COL16A1: variants seen among roughly 807,000 people sequenced by gnomAD.
COL16A1 encodes the protein collagen alpha-1(XVI) chain.
COL16A1 carries 189 observed loss-of-function variants against 266.3 expected under a neutral mutation model. That is an observed-to-expected ratio of 0.71 (90% confidence interval 0.63 to 0.80). COL16A1 has a LOEUF of 0.80. COL16A1 is among the 30% of genes least tolerant of loss of function. The probability of loss-of-function intolerance (pLI) is 0.00; values close to 1 mark genes in which losing one functional copy is unlikely to be tolerated. For synonymous variants in COL16A1, 740 were observed against 782.3 expected (o/e 0.95, Z 0.90); for missense variants, 1,928 against 2,122.4 (o/e 0.91, Z 1.80).
rs1643857183 is a variant in COL16A1, at chr1:31,684,117, C to T, written c.2275G>A (p.Gly759Ser). The T allele has an allele frequency of 6.3e-7, 1 of 1,581,450 alleles. No individual in the cohort carries two copies. Among genetic ancestry groups the T allele is most frequent in the Non-Finnish European group, 8.6e-7 (1 of 1,162,742 alleles). Residue 759 changes from glycine to serine, a missense_variant, in exon 32 of 71, where the codon GGT becomes AGT. Physicochemically the swap from Gly to Ser is moderately conservative, Grantham distance 56. This residue lies in a region of COL16A1 where 1,552 missense variants were observed against 1,637.2 expected (regional missense o/e 0.95). Coordinates refer to ENST00000373672, the MANE Select transcript of COL16A1 (RefSeq NM_001856.4). ...EQGPEGVGRP[G>S]KPGQPGLPGV... ...GAGGGCAGGCAACTCACGGGTTTACCAGGTCGGCCCACGCCTTCGGGGCCC... is the reference window on the plus strand; with the variant it reads ...GAGGGCAGGCAACTCACGGGTTTACTAGGTCGGCCCACGCCTTCGGGGCCC...
At position 31,674,863 on chromosome 1, in the gene COL16A1, C is replaced by T. The variant is rs746912909; in HGVS notation, c.2859+144G>A. On this transcript the variant is annotated intron_variant, in intron 44 of 70. Coordinates refer to ENST00000373672, the MANE Select transcript of COL16A1 (RefSeq NM_001856.4). ...GTTACAAGCCAGGCATCAGCTAGGC[C>T]CTCTTAGACAGATGCTTGGAATGCG... 3.0e-4 allele frequency: 399 copies of T among 1,324,924 alleles called. 5 individuals carry two copies. Among genetic ancestry groups the T allele is most frequent in the Middle Eastern group, 4.4e-4 (2 of 4,518 alleles). 82.1% of individuals were successfully genotyped at this position (1,324,924 alleles called of 1,614,324 possible).
In COL16A1 at chr1:31,664,412, C is replaced by G. The variant is rs1435604745; in HGVS notation, c.3555+760G>C. ...CGTGTGCTCTCAGGGGAAAGAGGCTCTCCACAAGGCTCAGGGGAAAGAGGC... is the reference window on the plus strand; with the variant it reads ...CGTGTGCTCTCAGGGGAAAGAGGCTGTCCACAAGGCTCAGGGGAAAGAGGC... On this transcript the variant is annotated intron_variant, in intron 56 of 70. Transcript: ENST00000373672. The surrounding 1 kb of genome is among the most constrained non-coding windows in gnomAD (Gnocchi z 5.5). Among the ~76,000 whole-genome samples the G allele has an allele frequency of 6.6e-6, 1 of 152,054 alleles. No individual in the cohort carries two copies. The highest frequency in any genetic ancestry group is 1.9e-4 in the East Asian group (1 of 5,196).
Position 31,688,372 on chromosome 1 carries a change from T to C in COL16A1, c.1803+95A>G, listed in dbSNP as rs1570540324. On this transcript the variant is annotated intron_variant, in intron 26 of 70. Transcript: ENST00000373672. This position sits in a 1 kb window ranked among gnomAD's most constrained non-coding sequence, Gnocchi z 4.9. ...ACTGTGAATTTACCGTCTGAATCTC[T>C]TGTTTATATTACCCTTATTCCCCGC... 27 of 1,349,148 alleles carry C rather than the reference T, an allele frequency of 2.0e-5. 1 individual carries two copies. The Middle Eastern group carries it at 9.1e-4, about 45-fold the overall frequency. 83.6% of individuals were successfully genotyped at this position (1,349,148 alleles called of 1,614,324 possible). A position where few individuals can be genotyped will look rare whatever the true frequency, so the allele number is the denominator to read the frequency against.
rs1382133326 is a variant in COL16A1, at chr1:31,698,989, G to A, written c.267-383C>T. Among the ~76,000 whole-genome samples, 2 of 152,144 alleles carry A rather than the reference G, an allele frequency of 1.3e-5. No homozygotes were observed. The highest frequency in any genetic ancestry group is 2.9e-5 in the Non-Finnish European group (2 of 68,016). On this transcript the variant is annotated intron_variant, in intron 4 of 70. Transcript: ENST00000373672. The surrounding 1 kb of genome is among the most constrained non-coding windows in gnomAD (Gnocchi z 4.1). ...AGGCGCCTGTAATCCCAGCTACCCG[G>A]GAGGCTGAGGCAGGAGAATTGCTTG...
At chr1:31,672,690 C>G in intron 45 of COL16A1, 34 bp downstream of exon 45, 3 of 1,611,012 alleles carry the variant, frequency 1.9e-6, no homozygotes, top group Non-Finnish European at 2.5e-6. Flanking sequence ...AGGGAACCCT[C>G]CTGCATAGGG....
intron 26 of COL16A1, among the ~76,000 whole-genome samples, chr1:31,686,936 C>T (rs1261355991): frequency 6.6e-6 from 1 of 152,154 alleles, no homozygotes; most frequent in Admixed American, 6.5e-5. Context: ...CAGAGTAAAC[C>T]CGAAGAGAAG....
intron 44 of COL16A1, among the ~76,000 whole-genome samples, chr1:31,674,499 A>T (rs1193055270): frequency 6.6e-6 from 1 of 152,122 alleles, no homozygotes; most frequent in Non-Finnish European, 1.5e-5. Flanking sequence ...GCACAGGCCG[A>T]CCCTCTGACC....
chr1:31,689,289 G>T, intron 23 of COL16A1: 1 of 807,824 alleles, frequency 1.2e-6, no homozygotes, highest in Non-Finnish European at 1.9e-6. Context: ...ATGACGCCAG[G>T]TTAAGCTAAC....
chr1:31,697,377 G>A lies in COL16A1; in HGVS notation c.658-77C>T. 7.1e-7 allele frequency: 1 copy of A among 1,402,214 alleles called. No homozygotes were observed. Among genetic ancestry groups the A allele is most frequent in the Non-Finnish European group, 9.8e-7 (1 of 1,023,812 alleles). 86.9% of individuals were successfully genotyped at this position (1,402,214 alleles called of 1,614,324 possible). On this transcript the variant is annotated intron_variant, in intron 6 of 70. Coordinates refer to ENST00000373672, the MANE Select transcript of COL16A1 (RefSeq NM_001856.4). This position sits in a 1 kb window ranked among gnomAD's most constrained non-coding sequence, Gnocchi z 4.2. Reference sequence around the variant, plus strand: ...GTCCTGGCCCCCCAGGAGGCACAGAGATGTCTCTGCCCCAGGATGTGACCT... The same window carrying A: ...GTCCTGGCCCCCCAGGAGGCACAGAAATGTCTCTGCCCCAGGATGTGACCT...
intron 68 of COL16A1, 48 bp from the exon 69 acceptor site, chr1:31,654,091 G>C (rs762278038): frequency 1.1e-5 from 17 of 1,566,462 alleles, no homozygotes; most frequent in Non-Finnish European, 1.5e-5. Flanking sequence ...GTCCCCCAGG[G>C]ACTCAGAATG....
In COL16A1 at chr1:31,700,131, CA is replaced by C. The variant is rs1644671077; in HGVS notation, c.74-17del. 1 of 1,613,926 alleles carries C rather than the reference CA, an allele frequency of 6.2e-7. No individual in the cohort carries two copies. Among genetic ancestry groups the C allele is most frequent in the East Asian group, 2.2e-5 (1 of 44,888 alleles). On this transcript the variant is annotated splice_polypyrimidine_tract_variant and intron_variant, in intron 2 of 70. Transcript: ENST00000373672. Reference sequence around the variant, plus strand: ...CATTGTGCACCTAGAAGAGAAGGGGCAGGGGGGCATTAGGTGCGCTCAGGCC... The same window carrying C: ...CATTGTGCACCTAGAAGAGAAGGGGCGGGGGGCATTAGGTGCGCTCAGGCC...
In COL16A1 at chr1:31,668,538, G is replaced by A. The variant is rs1005593125; in HGVS notation, c.3249+264C>T. On this transcript the variant is annotated intron_variant, in intron 50 of 70. Transcript: ENST00000373672. This position sits in a 1 kb window ranked among gnomAD's most constrained non-coding sequence, Gnocchi z 5.8. ...GCTGAGTGACAACAGCCGAGGGAGG[G>A]AGGGGAGCCCCCAGGGACGCTGCTG... Among the ~76,000 whole-genome samples the A allele has an allele frequency of 6.6e-6, 1 of 152,178 alleles. No homozygotes were observed. Among genetic ancestry groups the A allele is most frequent in the African/African-American group, 2.4e-5 (1 of 41,460 alleles).
rs1333354953 is a variant in COL16A1 at position 31,652,400 on chromosome 1, A to C, written c.*251T>G. The C allele has an allele frequency of 3.0e-6, 1 of 336,114 alleles. No individual in the cohort carries two copies. Among genetic ancestry groups the C allele is most frequent in the African/African-American group, 2.1e-5 (1 of 46,744 alleles). The allele number at this position is 336,114 out of a possible 1,614,324, so 20.8% of individuals were successfully genotyped here. On this transcript the variant is annotated 3_prime_UTR_variant, in exon 71 of 71. Transcript: ENST00000373672. The surrounding 1 kb of genome is among the most constrained non-coding windows in gnomAD (Gnocchi z 4.8). The stretch of plus-strand genomic sequence containing the variant: ...ATTACAGGTATATGCCCCTGTACCC[A>C]AAATGCCCTTTTTTGTTCCTGGGAC...
chr1:31,697,798 G>C lies in COL16A1; in HGVS notation c.657+108C>G. ...GCATTTGGAGGGCAACAGGAAAGCA[G>C]GGGAAGATTCTAAGCAGGAGAAGGA... On this transcript the variant is annotated intron_variant, in intron 6 of 70. Transcript: ENST00000373672. This position sits in a 1 kb window ranked among gnomAD's most constrained non-coding sequence, Gnocchi z 4.2. 3.8e-6 allele frequency: 5 copies of C among 1,333,100 alleles called. No individual in the cohort carries two copies. Among genetic ancestry groups the C allele is most frequent in the Non-Finnish European group, 5.1e-6 (5 of 979,332 alleles). 82.6% of individuals were successfully genotyped at this position (1,333,100 alleles called of 1,614,324 possible).
rs1473278502 is a variant in COL16A1, at chr1:31,698,465, G to C, written c.390+18C>G. The C allele has an allele frequency of 3.7e-6, 6 of 1,613,926 alleles. No individual in the cohort carries two copies. The highest frequency in any genetic ancestry group is 1.7e-4 in the Middle Eastern group (1 of 6,060). On this transcript the variant is annotated intron_variant, in intron 5 of 70. Transcript: ENST00000373672. This position sits in a 1 kb window ranked among gnomAD's most constrained non-coding sequence, Gnocchi z 4.1. The stretch of plus-strand genomic sequence containing the variant: ...ACCCAATGCCCTAAGAGGCAATCAG[G>C]GCACAGGGGAGGTTCACCTGTGGAT...
chr1:31,689,227 C>T (rs1644142351), intron 23 of COL16A1, 142 bp from the exon 24 acceptor site: 1 of 1,364,006 alleles, frequency 7.3e-7, no homozygotes, highest in African/African-American at 1.5e-5. Context: ...GGCCAGCACC[C>T]CAGAGGCAGG....
chr1:31,696,079 C>T lies in COL16A1; in HGVS notation c.918+9G>A, dbSNP rs905831965. 1 of 1,600,242 alleles carries T rather than the reference C, an allele frequency of 6.2e-7. No individual in the cohort carries two copies. The highest frequency in any genetic ancestry group is 1.1e-5 in the South Asian group (1 of 90,746). Reference sequence around the variant, plus strand: ...GCAGGTAGGCTCCTCCCCCCACCCCCACCTCTACCTTTGCTCCCCTTTCTG... The same window carrying T: ...GCAGGTAGGCTCCTCCCCCCACCCCTACCTCTACCTTTGCTCCCCTTTCTG... On this transcript the variant is annotated intron_variant, in intron 9 of 70. Transcript: ENST00000373672.
intron 58 of COL16A1, 51 bp from the exon 59 acceptor site, chr1:31,661,755 T>TCCAACTCATACCTCTGTCC: frequency 6.4e-7 from 1 of 1,567,542 alleles, no homozygotes. Context: ...CCAGCTTGTA[T>TCCAACTCATACCTCTGTCC]CCAACTCATA....
intron 22 of COL16A1, chr1:31,690,115 G>A: frequency 1.6e-6 from 1 of 643,924 alleles, no homozygotes; most frequent in Non-Finnish European, 2.6e-6. Flanking sequence ...TGGAAACTTG[G>A]GCTAAGAGAG....
Sources: gnomAD v4.1 joint callset for allele counts (sites outside exome capture counted in the v4.1 genomes callset) on GRCh38, gnomAD v4.1.1 for gene constraint, gnomAD v4.1.1 regional missense constraint, Gnocchi (gnomAD v3.1) non-coding constraint, MANE v1.5 for transcripts, NCBI Gene and HGNC (gene_info 2026-07-23, HGNC 2026-07-21) for gene names.